The following USP24 variants were observed in gnomAD, a reference collection of about 807,000 sequenced individuals.
USP24 encodes the protein ubiquitin specific peptidase 24.
USP24 carries 97 observed loss-of-function variants against 361.6 expected under a neutral mutation model. That is an observed-to-expected ratio of 0.27 (90% CI 0.23 to 0.32). USP24 has a LOEUF of 0.32. USP24 is among the 10% of genes least tolerant of loss of function. The probability of loss-of-function intolerance (pLI) is 1.00; values close to 1 mark genes in which losing one functional copy is unlikely to be tolerated. For synonymous variants in USP24, 1,098 were observed against 1,124.6 expected (o/e 0.98, Z 0.47); for missense variants, 2,353 against 3,165.6 (o/e 0.74, Z 6.16).
chr1:55,128,537 T>C (rs1298300684), intron 32 of USP24, among the ~76,000 whole-genome samples: 1 of 152,010 alleles, frequency 6.6e-6, no homozygotes, highest in African/African-American at 2.4e-5. Context: ...GCCCCTTCCC[T>C]CCTTATTTAC....
intron 60 of USP24, 138 bp downstream of exon 60, chr1:55,079,400 C>A (rs1245427681): frequency 9.7e-6 from 12 of 1,237,466 alleles, no homozygotes; most frequent in Admixed American, 3.0e-5. Flanking sequence ...CTAATTATTT[C>A]TTTTTGACAT....
chr1:55,127,677 C>A (rs1570478082), intron 32 of USP24, among the ~76,000 whole-genome samples: 2 of 152,292 alleles, frequency 1.3e-5, no homozygotes, highest in East Asian at 1.9e-4. Context: ...AGTTTACAGT[C>A]CCACCAACAG....
At chr1:55,134,503 C>G in intron 28 of USP24, 90 bp from the exon 29 acceptor site, 3 of 1,145,350 alleles carry the variant, frequency 2.6e-6, no homozygotes. Flanking sequence ...AATACTAGTT[C>G]TGAAAGGCTG....
chr1:55,091,969 G>T, intron 54 of USP24, 54 bp downstream of exon 54: 1 of 1,299,162 alleles, frequency 7.7e-7, no homozygotes, highest in Non-Finnish European at 1.1e-6. Context: ...AACTTCAATT[G>T]AATTCACCAG....
In USP24 at chr1:55,143,058, G is replaced by T; in HGVS notation, c.2501C>A (p.Pro834His). ...DFIWKIAMES[P>H]DEEIANEAIQ... ...AGCTTCATTAGCAATTTCTTCATCA[G>T]GTGATTCCATGGCTATTTTCCAAAT... Residue 834 changes from proline to histidine, a missense_variant, in exon 22 of 68, where the codon CCT (proline) becomes CAT (histidine). By Grantham distance (77) the Pro-to-His change is moderately conservative (BLOSUM62 -2). This residue lies in a region of USP24 where 949 missense variants were observed against 1,280.5 expected (regional missense o/e 0.74). Transcript: ENST00000294383. The T allele has an allele frequency of 6.5e-7, 1 of 1,532,828 alleles. No individual in the cohort carries two copies. Among genetic ancestry groups the T allele is most frequent in the Non-Finnish European group, 8.8e-7 (1 of 1,141,598 alleles). 95.0% of individuals were successfully genotyped at this position (1,532,828 alleles called of 1,614,324 possible).
chr1:55,093,809 A>G, intron 52 of USP24, 128 bp downstream of exon 52: 1 of 1,327,298 alleles, frequency 7.5e-7, no homozygotes, highest in South Asian at 1.5e-5. Context: ...AAGGTTCATG[A>G]GACAAGTGTG....
chr1:55,153,737 T>C (rs1288944778), intron 16 of USP24, 133 bp downstream of exon 16: 80 of 1,032,572 alleles, frequency 7.7e-5, no homozygotes, highest in Non-Finnish European at 1.1e-4. Context: ...TAAACAAATT[T>C]TTAGACATCA....
At chr1:55,072,462 A>G in intron 65 of USP24, 59 bp from the exon 66 acceptor site, 3 of 1,353,182 alleles carry the variant, frequency 2.2e-6, no homozygotes, top group African/African-American at 1.4e-5. Flanking sequence ...ATGGGTTCAC[A>G]GTTTCTACCA....
chr1:55,082,542 C>T (rs1645171495), intron 58 of USP24, among the ~76,000 whole-genome samples: 1 of 152,106 alleles, frequency 6.6e-6, no homozygotes, highest in Non-Finnish European at 1.5e-5. Context: ...ACAAAACAAC[C>T]TCGGTAAGCC....
At position 55,154,289 on chromosome 1, in the gene USP24, A is replaced by G. The variant is rs1028129404; in HGVS notation, c.1651-9T>C. The stretch of plus-strand genomic sequence containing the variant: ...CAGAGTACGTCTAAAACCTACAATA[A>G]TATTACATATGATCAGCCAGCCAAT... On this transcript the variant is annotated splice_polypyrimidine_tract_variant and intron_variant, in intron 14 of 67. Transcript: ENST00000294383. 1.9e-6 allele frequency: 3 copies of G among 1,602,434 alleles called. No homozygotes were observed. The East Asian group carries it at 6.8e-5, about 36-fold the overall frequency.
At chr1:55,105,717 T>C (rs1341633018) in intron 41 of USP24, among the ~76,000 whole-genome samples, 1 of 152,146 alleles carries the variant, frequency 6.6e-6, no homozygotes, top group Non-Finnish European at 1.5e-5. Context: ...CTGTAATAAA[T>C]CACAAGCAGT....
intron 38 of USP24, among the ~76,000 whole-genome samples, chr1:55,111,394 T>C (rs1645948245): frequency 6.6e-6 from 1 of 152,026 alleles, no homozygotes; most frequent in Non-Finnish European, 1.5e-5. Context: ...TAATATTAAA[T>C]AAAAAACATG....
chr1:55,097,531 A>G, intron 48 of USP24, 67 bp downstream of exon 48: 2 of 1,509,406 alleles, frequency 1.3e-6, no homozygotes, highest in Non-Finnish European at 1.8e-6. Flanking sequence ...AAATTGAAAA[A>G]GGAAAAAAAA....
intron 1 of USP24, among the ~76,000 whole-genome samples, chr1:55,182,097 G>C (rs1643986461): frequency 6.6e-6 from 1 of 152,162 alleles, no homozygotes; most frequent in Non-Finnish European, 1.5e-5. Context: ...CTGCTGCCAG[G>C]CTGGAGTGTA....
intron 61 of USP24, 48 bp downstream of exon 61, chr1:55,078,490 T>G: frequency 6.8e-7 from 1 of 1,476,712 alleles, no homozygotes; most frequent in Non-Finnish European, 9.2e-7. Context: ...TCTCCTAGAG[T>G]CTCACTTAAA....
chr1:55,141,372 TAGA>T (rs1289093072), intron 24 of USP24, among the ~76,000 whole-genome samples: 1 of 152,094 alleles, frequency 6.6e-6, no homozygotes, highest in African/African-American at 2.4e-5. Flanking sequence ...GTCCACCAGG[TAGA>T]AGGATAGGGA....
intron 38 of USP24, among the ~76,000 whole-genome samples, chr1:55,118,173 A>C (rs1467445019): frequency 6.6e-6 from 1 of 152,238 alleles, no homozygotes; most frequent in Non-Finnish European, 1.5e-5. Context: ...ATCAATCCTG[A>C]AAAAGAGGAA....
At chr1:55,073,081 A>G (rs1482639593) in intron 64 of USP24, 2 of 551,986 alleles carry the variant, frequency 3.6e-6, no homozygotes, top group Non-Finnish European at 6.4e-6. Flanking sequence ...TCAGTCTTCA[A>G]TAGGTCCAGA....
At chr1:55,147,501 A>C (rs915139291) in intron 18 of USP24, 148 bp downstream of exon 18, 1 of 778,626 alleles carries the variant, frequency 1.3e-6, no homozygotes, top group African/African-American at 1.8e-5. Context: ...ACTCACAAAC[A>C]CCAAGATACA....
Sources: allele counts gnomAD v4.1 joint callset (sites outside exome capture counted in the v4.1 genomes callset), GRCh38; gene constraint gnomAD v4.1.1; regional missense constraint gnomAD v4.1.1; transcripts MANE v1.5; gene names NCBI Gene and HGNC (gene_info 2026-07-23, HGNC 2026-07-21).